The following ALG6 variants were observed in gnomAD, a reference collection of about 807,000 sequenced individuals.
The protein encoded by ALG6 is ALG6 alpha-1,3-glucosyltransferase.
ALG6 carries 46 observed loss-of-function variants against 66.6 expected under a neutral mutation model. That is an observed-to-expected ratio of 0.69 (90% confidence interval 0.55 to 0.88). The LOEUF (loss-of-function observed/expected upper bound fraction) is 0.88, where lower values mean the gene tolerates loss of function less well. Among genes scored for constraint, ALG6 ranks in the 40% least tolerant of loss-of-function variants. The pLI is 0.00. For missense variants in ALG6, 505 were observed against 586.8 expected (o/e 0.86, Z 1.44); for synonymous variants, 185 against 203.7 (o/e 0.91, Z 0.78).
chr1:63,413,939 T>G (rs1644529117), intron 9 of ALG6, 122 bp from the exon 10 acceptor site: 5 of 701,474 alleles, frequency 7.1e-6, no homozygotes, highest in Non-Finnish European at 1.3e-5. Context: ...TCTATTTAGT[T>G]ATAATTGTGA....
At chr1:63,417,771 G>A (rs1055933980) in intron 11 of ALG6, among the ~76,000 whole-genome samples, 5 of 152,222 alleles carry the variant, frequency 3.3e-5, no homozygotes, top group Admixed American at 1.3e-4. Context: ...CCATGCTAGT[G>A]GCAGGAGAGG....
chr1:63,416,510 A>AGTTTTGTGTGT (rs1644546514), intron 11 of ALG6, among the ~76,000 whole-genome samples: 1 of 152,124 alleles, frequency 6.6e-6, no homozygotes, highest in Non-Finnish European at 1.5e-5. Context: ...AACTTGTGTG[A>AGTTTTGTGTGT]GTTTTGTGTG....
At chr1:63,436,459 G>T (rs1212992191) in intron 14 of ALG6, among the ~76,000 whole-genome samples, 1 of 152,096 alleles carries the variant, frequency 6.6e-6, no homozygotes, top group Non-Finnish European at 1.5e-5. Flanking sequence ...GACCCCAGGG[G>T]ATGTTATAAA....
At position 63,373,257 on chromosome 1, in the gene ALG6, C is replaced by T. The variant is rs531388853; in HGVS notation, c.82+2198C>T. On this transcript the variant is annotated intron_variant, in intron 2 of 14. Transcript: ENST00000263440. ...CCTGAGCTCAAGTGATCTGCCTGCC[C>T]CAGCCTCCCAAAGTGCTGGGATTAC... 3.7e-4 allele frequency among the ~76,000 whole-genome samples: 55 copies of T among 150,576 alleles called. 1 individual carries two copies. Among genetic ancestry groups the T allele is most frequent in the Admixed American group, 1.7e-3 (25 of 15,122 alleles).
chr1:63,395,901 T>G (rs1432376346), intron 2 of ALG6, among the ~76,000 whole-genome samples: 1 of 152,192 alleles, frequency 6.6e-6, no homozygotes, highest in African/African-American at 2.4e-5. Context: ...AAAGGATGAT[T>G]GTGCCTGTAC....
At chr1:63,416,182 A>G (rs564729311) in intron 11 of ALG6, among the ~76,000 whole-genome samples, 1 of 152,374 alleles carries the variant, frequency 6.6e-6, no homozygotes, top group African/African-American at 2.4e-5. Context: ...CGTATTAGTT[A>G]ATGAGGGACT....
At chr1:63,415,079 G>T (rs1644538324) in intron 10 of ALG6, among the ~76,000 whole-genome samples, 1 of 152,148 alleles carries the variant, frequency 6.6e-6, no homozygotes, top group Non-Finnish European at 1.5e-5. Flanking sequence ...GATGAGATGG[G>T]TGTGGCCTCT....
Position 63,438,139 on chromosome 1 carries a change from A to T in ALG6, c.*1119A>T, listed in dbSNP as rs1644697217. On this transcript the variant is annotated 3_prime_UTR_variant, in exon 15 of 15. Transcript: ENST00000263440. ...GTGCAAATCAAACCACATACAAAAA[A>T]AAACTGGTTCTAGACACGGACAGTC... is the stretch of plus-strand genomic sequence containing the variant. 1.3e-5 allele frequency: 2 copies of T among 152,034 alleles called. No individual in the cohort carries two copies. The highest frequency in any genetic ancestry group is 2.9e-5 in the Non-Finnish European group (2 of 68,030). 9.4% of individuals were successfully genotyped at this position (152,034 alleles called of 1,614,324 possible). A position where few individuals can be genotyped will look rare whatever the true frequency, so the allele number is the denominator to read the frequency against.
At chr1:63,386,038 G>A (rs953107903) in intron 2 of ALG6, among the ~76,000 whole-genome samples, 5 of 152,106 alleles carry the variant, frequency 3.3e-5, no homozygotes, top group Admixed American at 2.6e-4. Context: ...GTGTGGAATT[G>A]TATCAGATAC....
intron 2 of ALG6, among the ~76,000 whole-genome samples, chr1:63,389,925 C>T (rs1404044097): frequency 6.6e-6 from 1 of 152,168 alleles, no homozygotes; most frequent in Non-Finnish European, 1.5e-5. Context: ...TACTTTCCCC[C>T]AAAGAAATGG....
At chr1:63,396,437 A>C in intron 2 of ALG6, 76 bp from the exon 3 acceptor site, 1 of 1,286,530 alleles carries the variant, frequency 7.8e-7, no homozygotes, top group East Asian at 2.3e-5. Flanking sequence ...TAATTTAGAC[A>C]ATTTTCATAA....
intron 9 of ALG6, 133 bp downstream of exon 9, chr1:63,412,194 C>A: frequency 1.5e-6 from 2 of 1,370,080 alleles, no homozygotes; most frequent in African/African-American, 1.4e-5. Context: ...CCAGTTATTG[C>A]TTGATTGATT....
intron 2 of ALG6, among the ~76,000 whole-genome samples, chr1:63,382,081 GT>G (rs993089984): frequency 3.3e-5 from 5 of 150,656 alleles, no homozygotes; most frequent in African/African-American, 1.2e-4. Context: ...TTTTTTTGTT[GT>G]TTTTTAAAAG....
chr1:63,414,188 T>G (rs762971925), intron 10 of ALG6, 42 bp downstream of exon 10: 2 of 1,343,152 alleles, frequency 1.5e-6, no homozygotes, highest in Non-Finnish European at 2.1e-6. Context: ...TATAAGTTAC[T>G]CTTTAAAAGC....
intron 4 of ALG6, among the ~76,000 whole-genome samples, chr1:63,402,863 G>A (rs1433202566): frequency 1.1e-4 from 17 of 151,176 alleles, no homozygotes; most frequent in Admixed American, 2.6e-4. Context: ...GTGGGAGGCC[G>A]AGGCGGGCGG....
rs776471561 is a variant in ALG6 at position 63,407,045 on chromosome 1, A to T, written c.430-17A>T. 1.3e-6 allele frequency: 2 copies of T among 1,592,280 alleles called. No individual in the cohort carries two copies. The highest frequency in any genetic ancestry group is 2.7e-5 in the African/African-American group (2 of 74,510). On this transcript the variant is annotated splice_polypyrimidine_tract_variant and intron_variant, in intron 6 of 14. Coordinates refer to ENST00000263440, the MANE Select transcript of ALG6 (RefSeq NM_013339.4). ...GTAACAGATTACTTTCTTATCTCAC[A>T]ATATTTGTCTTTACAGATTGCTAAT...
chr1:63,435,197 G>T lies in ALG6; in HGVS notation c.1327-1626G>T, dbSNP rs1046435741. Reference sequence around the variant, plus strand: ...TTTTGGGAAACAAGTGTAAATAGGAGCAGACAAATGGGGTAATAGTTGGAG... The same window carrying T: ...TTTTGGGAAACAAGTGTAAATAGGATCAGACAAATGGGGTAATAGTTGGAG... On this transcript the variant is annotated intron_variant, in intron 14 of 14. Coordinates refer to ENST00000263440, the MANE Select transcript of ALG6 (RefSeq NM_013339.4). Among the ~76,000 whole-genome samples the T allele has an allele frequency of 4.9e-4, 75 of 152,188 alleles. 4 individuals carry two copies. Among genetic ancestry groups the T allele is most frequent in the African/African-American group, 2.4e-5 (1 of 41,452 alleles).
At chr1:63,382,699 G>C (rs1461554464) in intron 2 of ALG6, among the ~76,000 whole-genome samples, 1 of 118,384 alleles carries the variant, frequency 8.4e-6, no homozygotes, top group East Asian at 2.5e-4. Flanking sequence ...TTTTTGAGAC[G>C]GAGTCTGGCT....
chr1:63,415,905 C>T lies in ALG6; in HGVS notation c.935C>T (p.Ala312Val). ...FCSTFLSLLP[A>V]CIKLILQPSS... ...TCTACGTTTTTGAGCCTGCTTCCTG[C>T]ATGCATAAAATTAATACTTCAGCCC... Residue 312 changes from alanine to valine, a missense_variant, in exon 11 of 15, where the codon GCA becomes GTA. Physicochemically the swap from Ala to Val is moderately conservative, Grantham distance 64. Transcript: ENST00000263440. The T allele has an allele frequency of 6.2e-7, 1 of 1,611,838 alleles. No individual in the cohort carries two copies. The highest frequency in any genetic ancestry group is 1.1e-5 in the South Asian group (1 of 90,896).
Sources: gnomAD v4.1 joint callset for allele counts (sites outside exome capture counted in the v4.1 genomes callset) on GRCh38, gnomAD v4.1.1 for gene constraint, MANE v1.5 for transcripts, NCBI Gene and HGNC (gene_info 2026-07-23, HGNC 2026-07-21) for gene names.